Variants in EYS observed in about 807,000 individuals in gnomAD.
EYS encodes EGF-like photoreceptor maintenance factor.
A neutral mutation model predicts 282.1 loss-of-function variants in EYS; 250 were observed. The observed-to-expected ratio is 0.89, with a 90% CI of 0.80 to 0.98. The LOEUF (loss-of-function observed/expected upper bound fraction) is 0.98. Ranked by LOEUF, EYS falls within the 50% of genes least tolerant of loss-of-function variation. The probability of loss-of-function intolerance (pLI) is 0.00; values close to 1 mark genes in which losing one functional copy is unlikely to be tolerated. For missense variants in EYS, 4,016 were observed against 3,709.0 expected, an observed-to-expected ratio of 1.08 and a Z score of -2.15; for synonymous variants, 1,355 against 1,282.9, an observed-to-expected ratio of 1.06 and a Z score of -1.20.
At chr6:64,713,759 A>G (rs1771286145) in intron 22 of EYS, among the ~76,000 whole-genome samples, 1 of 152,158 alleles carries the variant, frequency 6.6e-6, no homozygotes, top group South Asian at 2.1e-4. Context: ...ACAGCCACTT[A>G]ATATATATGT....
intron 2 of EYS, among the ~76,000 whole-genome samples, chr6:65,554,902 A>C (rs945489991): frequency 3.9e-5 from 6 of 152,148 alleles, no homozygotes; most frequent in Non-Finnish European, 8.8e-5. Context: ...ATCTCAACAT[A>C]TATTTCACTA....
chr6:63,767,677 G>A (rs1414259254), intron 40 of EYS, among the ~76,000 whole-genome samples: 2 of 152,024 alleles, frequency 1.3e-5, no homozygotes, highest in Non-Finnish European at 2.9e-5. Context: ...CAGATTCAAT[G>A]TTATTCCTAT....
At chr6:64,076,840 T>A (rs982330101) in intron 32 of EYS, among the ~76,000 whole-genome samples, 1 of 151,962 alleles carries the variant, frequency 6.6e-6, no homozygotes, top group Admixed American at 6.6e-5. Flanking sequence ...GTAAAATGAA[T>A]CTCTGTGCAA....
intron 1 of EYS, among the ~76,000 whole-genome samples, chr6:65,682,910 G>A (rs570814458): frequency 2.0e-5 from 3 of 151,966 alleles, no homozygotes; most frequent in African/African-American, 7.2e-5. Flanking sequence ...AAATATAAAC[G>A]CGGTCATGGC....
intron 29 of EYS, among the ~76,000 whole-genome samples, chr6:64,340,396 GA>G (rs1357451798): frequency 1.3e-5 from 2 of 151,756 alleles, no homozygotes; most frequent in East Asian, 3.9e-4. Flanking sequence ...GAAAAGAATA[GA>G]AAACTCATGA....
At chr6:64,718,155 C>T (rs1467550302) in intron 22 of EYS, among the ~76,000 whole-genome samples, 2 of 152,154 alleles carry the variant, frequency 1.3e-5, no homozygotes, top group African/African-American at 4.8e-5. Flanking sequence ...TTTACTTATG[C>T]ATGAATTCAT....
At chr6:63,929,734 C>T (rs1764830280) in intron 35 of EYS, among the ~76,000 whole-genome samples, 1 of 152,126 alleles carries the variant, frequency 6.6e-6, no homozygotes, top group African/African-American at 2.4e-5. Context: ...TGAAACATAG[C>T]AGTCCTCACT....
chr6:64,316,275 A>T (rs1417069332), intron 29 of EYS, among the ~76,000 whole-genome samples: 1 of 152,120 alleles, frequency 6.6e-6, no homozygotes, highest in East Asian at 1.9e-4. Flanking sequence ...AGGGAGTCAA[A>T]TTGTCTCTGT....
At chr6:65,287,634 G>GA (rs892904212) in intron 12 of EYS, among the ~76,000 whole-genome samples, 12 of 150,542 alleles carry the variant, frequency 8.0e-5, no homozygotes, top group Middle Eastern at 3.4e-3. Flanking sequence ...ATCAGATTCT[G>GA]AAAAAAAACG....
intron 26 of EYS, among the ~76,000 whole-genome samples, chr6:64,473,001 T>G (rs1217144737): frequency 6.6e-6 from 1 of 152,162 alleles, no homozygotes; most frequent in African/African-American, 2.4e-5. Context: ...AATTACTAAT[T>G]TTCAGCTTTG....
At chr6:64,766,649 A>AAAAATATATATATATATAT (rs1387919586) in intron 22 of EYS, among the ~76,000 whole-genome samples, 1 of 19,066 alleles carries the variant, frequency 5.2e-5, no homozygotes, top group African/African-American at 1.8e-4. Flanking sequence ...AAAAAAAAAA[A>AAAAATATATATATATATAT]ATATATATAT....
intron 12 of EYS, among the ~76,000 whole-genome samples, chr6:65,169,101 G>A (rs1352231951): frequency 2.0e-5 from 3 of 151,372 alleles, no homozygotes; most frequent in Non-Finnish European, 1.5e-5. Flanking sequence ...ATTGTTATGT[G>A]ACTGAGTCCA....
intron 29 of EYS, among the ~76,000 whole-genome samples, chr6:64,340,354 C>T (rs562071022): frequency 2.0e-5 from 3 of 151,588 alleles, no homozygotes; most frequent in African/African-American, 7.3e-5. Flanking sequence ...AATAGCATGA[C>T]ACTAGTACAA....
chr6:64,811,143 A>G (rs1036742505), intron 22 of EYS, among the ~76,000 whole-genome samples: 1 of 152,100 alleles, frequency 6.6e-6, no homozygotes, highest in Non-Finnish European at 1.5e-5. Context: ...TAAGTAAACT[A>G]TCTAAGGACT....
intron 41 of EYS, chr6:63,742,105 C>A: frequency 1.6e-6 from 1 of 633,942 alleles, no homozygotes; most frequent in Non-Finnish European, 2.9e-6. Flanking sequence ...ACTTGTACAT[C>A]TGTCCTGCAG....
intron 12 of EYS, among the ~76,000 whole-genome samples, chr6:65,229,421 C>CAA (rs919803056): frequency 5.0e-4 from 76 of 151,092 alleles, no homozygotes; most frequent in African/African-American, 1.7e-3. Context: ...GAGCATGGAA[C>CAA]AAAAAAGAGC....
intron 18 of EYS, among the ~76,000 whole-genome samples, chr6:64,893,835 C>CAT (rs3033957): frequency 0.82 from 123,774 of 151,374 alleles, 50,619 homozygotes; most frequent in East Asian, 0.85. Flanking sequence ...TATGCACACA[C>CAT]ATATATGTAC....
At chr6:65,235,840 G>A (rs780627662) in intron 12 of EYS, among the ~76,000 whole-genome samples, 2 of 151,922 alleles carry the variant, frequency 1.3e-5, no homozygotes, top group Non-Finnish European at 2.9e-5. Context: ...GATTATATCA[G>A]CATTGCTTAC....
chr6:63,803,801 C>T (rs1323593014), intron 37 of EYS, among the ~76,000 whole-genome samples: 1 of 151,964 alleles, frequency 6.6e-6, no homozygotes, highest in East Asian at 1.9e-4. Flanking sequence ...ATGTAAAGCT[C>T]CCATTCTGTT....
Sources: gnomAD v4.1 joint callset for allele counts (sites outside exome capture counted in the v4.1 genomes callset) on GRCh38, gnomAD v4.1.1 for gene constraint, MANE v1.5 for transcripts, NCBI Gene and HGNC (gene_info 2026-07-23, HGNC 2026-07-21) for gene names.